Variants in SNAP91 observed in about 807,000 individuals in gnomAD.
The protein encoded by SNAP91 is clathrin coat assembly protein AP180.
Under a neutral mutation model 100.3 loss-of-function variants are expected in SNAP91, and 27 were observed. The ratio of observed to expected loss-of-function variants is 0.27; its 90% CI spans 0.20 to 0.37. The LOEUF (loss-of-function observed/expected upper bound fraction) is 0.37. SNAP91 is among the 10% of genes least tolerant of loss of function. The probability of loss-of-function intolerance (pLI) is 1.00; values close to 1 mark genes in which losing one functional copy is unlikely to be tolerated. For missense variants in SNAP91, 986 were observed against 1,123.7 expected (o/e 0.88, Z 1.75); for synonymous variants, 404 against 398.6 (o/e 1.01, Z -0.16).
At chr6:83,605,868 T>A in intron 13 of SNAP91, 65 bp from the exon 14 acceptor site, 2 of 1,243,194 alleles carry the variant, frequency 1.6e-6, no homozygotes, top group Non-Finnish European at 2.2e-6. Context: ...TGTTTTTGAA[T>A]AAAGACATGC....
chr6:83,630,341 A>G (rs1216785387), intron 8 of SNAP91, among the ~76,000 whole-genome samples: 1 of 151,980 alleles, frequency 6.6e-6, no homozygotes, highest in Non-Finnish European at 1.5e-5. Flanking sequence ...TGGTTTGGGT[A>G]TTAGGGTGAT....
intron 2 of SNAP91, among the ~76,000 whole-genome samples, chr6:83,684,906 A>T (rs2099040244): frequency 6.6e-6 from 1 of 152,226 alleles, no homozygotes. Flanking sequence ...AATTATTCTT[A>T]AAATGAGTTA....
At chr6:83,561,783 A>C (rs1322670742) in intron 26 of SNAP91, among the ~76,000 whole-genome samples, 1 of 152,198 alleles carries the variant, frequency 6.6e-6, no homozygotes, top group Non-Finnish European at 1.5e-5. Context: ...AGGCAGGAGA[A>C]TCACTTGAGG....
chr6:83,671,155 C>A (rs971028736), intron 2 of SNAP91, among the ~76,000 whole-genome samples: 5 of 151,626 alleles, frequency 3.3e-5, no homozygotes, highest in Non-Finnish European at 7.4e-5. Context: ...CATGGTCTGT[C>A]TATTTATTTT....
rs917440560 is a variant in SNAP91, at chr6:83,582,351, C to G, written c.2020G>C (p.Gly674Arg). ...SASADLLAGF[G>R]GSFMAPSPSP... The stretch of plus-strand genomic sequence containing the variant: ...GGGGAAGGCGCCATGAAAGAACCCC[C>G]AAATCCTGAAAAAAAGTTCCAAAAA... The change falls in exon 23 of 30, where the codon GGG (glycine) becomes CGG (arginine). Residue 674 changes from glycine to arginine, a missense_variant. This residue lies in a region of SNAP91 where 575 missense variants were observed against 579.9 expected (regional missense o/e 0.99). Coordinates refer to ENST00000369694, the MANE Select transcript of SNAP91 (RefSeq NM_001242792.2). 2 of 1,610,984 alleles carry G rather than the reference C, an allele frequency of 1.2e-6. No homozygotes were observed. Among genetic ancestry groups the G allele is most frequent in the Non-Finnish European group, 8.5e-7 (1 of 1,178,526 alleles).
rs778267906 is a variant in SNAP91, at chr6:83,601,264, A to G, written c.1324+7T>C. 5.0e-6 allele frequency: 8 copies of G among 1,613,108 alleles called. No homozygotes were observed. The highest frequency in any genetic ancestry group is 1.7e-5 in the Admixed American group (1 of 59,854). On this transcript the variant is annotated splice_region_variant and intron_variant, in intron 16 of 29. Transcript: ENST00000369694. Reference sequence around the variant, plus strand: ...AAAAAATGAAAGTAGCAGCGAGACTAACTAACCTCCAAAGAGATCCACTTC... The same window carrying G: ...AAAAAATGAAAGTAGCAGCGAGACTGACTAACCTCCAAAGAGATCCACTTC...
At chr6:83,679,740 C>T (rs977119242) in intron 2 of SNAP91, among the ~76,000 whole-genome samples, 4 of 152,130 alleles carry the variant, frequency 2.6e-5, no homozygotes, top group Non-Finnish European at 5.9e-5. Flanking sequence ...ACTGTAACAA[C>T]GATTAGTTTC....
chr6:83,645,708 A>G (rs2097888371), intron 7 of SNAP91, among the ~76,000 whole-genome samples: 1 of 152,024 alleles, frequency 6.6e-6, no homozygotes, highest in African/African-American at 2.4e-5. Flanking sequence ...AAAATTAGCC[A>G]GGAGTGGTGG....
At chr6:83,667,274 G>C (rs953171584) in intron 2 of SNAP91, among the ~76,000 whole-genome samples, 1 of 152,000 alleles carries the variant, frequency 6.6e-6, no homozygotes. Context: ...TTGGAGAATT[G>C]TAGTGTAGTA....
At chr6:83,699,185 C>T (rs2129040365) in intron 2 of SNAP91, among the ~76,000 whole-genome samples, 1 of 152,042 alleles carries the variant, frequency 6.6e-6, no homozygotes, top group East Asian at 1.9e-4. Flanking sequence ...TCTAAAATTA[C>T]AAAACACATG....
At chr6:83,645,255 T>C (rs1401089017) in intron 7 of SNAP91, among the ~76,000 whole-genome samples, 4 of 152,166 alleles carry the variant, frequency 2.6e-5, no homozygotes, top group Non-Finnish European at 5.9e-5. Context: ...ACTTTTTTTT[T>C]TTTAGAAAAA....
intron 9 of SNAP91, among the ~76,000 whole-genome samples, chr6:83,621,498 C>T (rs1368653161): frequency 6.6e-6 from 1 of 151,984 alleles, no homozygotes; most frequent in Non-Finnish European, 1.5e-5. Context: ...AGTCTCTGTT[C>T]CCTAAATTAT....
chr6:83,575,668 AT>A (rs1270559869), intron 25 of SNAP91: 5 of 237,046 alleles, frequency 2.1e-5, no homozygotes, highest in African/African-American at 1.2e-4. Flanking sequence ...TTTCCTTACA[AT>A]TAATACTCCA....
At chr6:83,614,668 A>C (rs2096372893) in intron 11 of SNAP91, among the ~76,000 whole-genome samples, 189 bp downstream of exon 11, 1 of 152,164 alleles carries the variant, frequency 6.6e-6, no homozygotes, top group African/African-American at 2.4e-5. Context: ...AGAAGACCGA[A>C]AGAAAGTAAA....
chr6:83,571,325 G>T (rs958139639), intron 26 of SNAP91, among the ~76,000 whole-genome samples: 1 of 152,048 alleles, frequency 6.6e-6, no homozygotes, highest in Non-Finnish European at 1.5e-5. Context: ...GGATGGTCTC[G>T]ATCTTTTGAC....
intron 2 of SNAP91, among the ~76,000 whole-genome samples, chr6:83,707,477 T>C (rs2099395999): frequency 6.6e-6 from 1 of 150,862 alleles, no homozygotes; most frequent in African/African-American, 2.4e-5. Flanking sequence ...GAAAAAAAGG[T>C]GAAAAACATC....
At chr6:83,695,243 C>A (rs866765652) in intron 2 of SNAP91, among the ~76,000 whole-genome samples, 11 of 123,172 alleles carry the variant, frequency 8.9e-5, no homozygotes, top group Non-Finnish European at 1.3e-4. Flanking sequence ...AGCCACTGCA[C>A]TCCAGCCTGG....
At chr6:83,584,322 C>T (rs1832633456) in intron 22 of SNAP91, among the ~76,000 whole-genome samples, 1 of 152,128 alleles carries the variant, frequency 6.6e-6, no homozygotes, top group African/African-American at 2.4e-5. Context: ...GAAAGGGCCT[C>T]AGGATCATCT....
intron 14 of SNAP91, among the ~76,000 whole-genome samples, 156 bp downstream of exon 14, chr6:83,605,529 A>G (rs2095556060): frequency 6.6e-6 from 1 of 152,228 alleles, no homozygotes; most frequent in South Asian, 2.1e-4. Flanking sequence ...CTCTCAATAT[A>G]TATTTCAATC....
Sources: gnomAD v4.1 joint callset for allele counts (sites outside exome capture counted in the v4.1 genomes callset) on GRCh38, gnomAD v4.1.1 for gene constraint, gnomAD v4.1.1 regional missense constraint, MANE v1.5 for transcripts, NCBI Gene and HGNC (gene_info 2026-07-23, HGNC 2026-07-21) for gene names.